FTO: variants seen among roughly 807,000 people sequenced by gnomAD.
FTO encodes the protein FTO alpha-ketoglutarate dependent dioxygenase.
A neutral mutation model predicts 63.9 loss-of-function variants in FTO; 47 were observed. That is an observed-to-expected ratio of 0.74 (90% CI 0.58 to 0.94). The LOEUF (loss-of-function observed/expected upper bound fraction) is 0.94, where lower values mean the gene tolerates loss of function less well. Among genes scored for constraint, FTO ranks in the 40% least tolerant of loss-of-function variants. The pLI is 0.00. For missense variants in FTO, 562 were observed against 618.1 expected, an observed-to-expected ratio of 0.91 and a Z score of 0.96; for synonymous variants, 207 against 224.4, an observed-to-expected ratio of 0.92 and a Z score of 0.69.
intron 8 of FTO, among the ~76,000 whole-genome samples, chr16:53,947,472 G>A (rs551864235): frequency 5.3e-5 from 8 of 152,276 alleles, no homozygotes; most frequent in South Asian, 2.1e-4. Context: ...ATAAGGGGGC[G>A]GAAGCTATTA....
chr16:53,804,206 A>G (rs561210653), intron 1 of FTO, among the ~76,000 whole-genome samples: 9 of 152,322 alleles, frequency 5.9e-5, no homozygotes, highest in Non-Finnish European at 1.0e-4. Flanking sequence ...CTTAGGCTAT[A>G]CACACATAAC....
At chr16:54,035,809 C>G (rs2084930579) in intron 8 of FTO, among the ~76,000 whole-genome samples, 1 of 152,156 alleles carries the variant, frequency 6.6e-6, no homozygotes, top group Non-Finnish European at 1.5e-5. Context: ...TTTCTGTCTT[C>G]CTTTCACCCG....
chr16:53,815,680 G>A (rs1269506313), intron 2 of FTO, among the ~76,000 whole-genome samples: 1 of 115,542 alleles, frequency 8.7e-6, no homozygotes, highest in Non-Finnish European at 1.6e-5. Context: ...ACAGAGTCCC[G>A]CTCTGTCACC....
chr16:53,705,562 G>C (rs1033242108), intron 1 of FTO, among the ~76,000 whole-genome samples: 3 of 152,210 alleles, frequency 2.0e-5, no homozygotes, highest in African/African-American at 7.2e-5. Context: ...TTACACGTGA[G>C]TCTGTTTAGG....
Position 53,883,622 on chromosome 16 carries a change from C to CAAAAAAAA in FTO, c.1119+3641_1119+3648dup, listed in dbSNP as rs36010057. ...GGGCAACAAGGGCGAAACTCTATCT[C>CAAAAAAAA]AAAAAAAAAAAAACAAAAAAAAAAA... On this transcript the variant is annotated intron_variant, in intron 6 of 8. Coordinates refer to ENST00000471389, the MANE Select transcript of FTO (RefSeq NM_001080432.3). Among the ~76,000 whole-genome samples, 132 of 59,316 alleles carry CAAAAAAAA rather than the reference C, an allele frequency of 2.2e-3. 9 individuals carry two copies. Among genetic ancestry groups the CAAAAAAAA allele is most frequent in the African/African-American group, 0.01 (121 of 11,934 alleles). 38.9% of individuals were successfully genotyped at this position (59,316 alleles called of 152,430 possible).
intron 4 of FTO, among the ~76,000 whole-genome samples, chr16:53,851,503 A>G (rs1195739591): frequency 6.6e-6 from 1 of 151,920 alleles, no homozygotes; most frequent in Non-Finnish European, 1.5e-5. Context: ...ATAATACATG[A>G]ACACACATGT....
Position 53,782,133 on chromosome 16 carries a change from T to G in FTO, c.46-28007T>G, listed in dbSNP as rs559199578. ...ATGGGGTTCATGAAGCCTCTGAAAC[T>G]CAGCTTAAGAGTCCATACCAACCAA... On this transcript the variant is annotated intron_variant, in intron 1 of 8. Coordinates refer to ENST00000471389, the MANE Select transcript of FTO (RefSeq NM_001080432.3). 2.6e-5 allele frequency among the ~76,000 whole-genome samples: 4 copies of G among 152,342 alleles called. No individual in the cohort carries two copies. The South Asian group carries it at 6.2e-4, about 24-fold the overall frequency.
intron 4 of FTO, among the ~76,000 whole-genome samples, chr16:53,857,506 C>T (rs879778900): frequency 2.6e-5 from 4 of 151,532 alleles, no homozygotes; most frequent in African/African-American, 7.3e-5. Context: ...TCTGGGGCTT[C>T]GAGGGCTGAC....
At chr16:54,038,276 C>T (rs2144258796) in intron 8 of FTO, among the ~76,000 whole-genome samples, 1 of 152,272 alleles carries the variant, frequency 6.6e-6, no homozygotes, top group African/African-American at 2.4e-5. Flanking sequence ...GTAACCTGAC[C>T]CTTGTGGGCT....
chr16:53,711,898 T>C (rs2075784592), intron 1 of FTO, among the ~76,000 whole-genome samples: 1 of 152,218 alleles, frequency 6.6e-6, no homozygotes, highest in Non-Finnish European at 1.5e-5. Context: ...AGTTGTCTTA[T>C]CAACTTTAAA....
At chr16:53,740,123 T>TA (rs2076496130) in intron 1 of FTO, among the ~76,000 whole-genome samples, 1 of 152,236 alleles carries the variant, frequency 6.6e-6, no homozygotes, top group African/African-American at 2.4e-5. Flanking sequence ...TCTGTAACCC[T>TA]AGGATCATAT....
intron 1 of FTO, among the ~76,000 whole-genome samples, chr16:53,806,359 T>C (rs890241667): frequency 6.6e-6 from 1 of 152,174 alleles, no homozygotes; most frequent in African/African-American, 2.4e-5. Context: ...AAATGGAATA[T>C]TTTGAGTAGT....
intron 8 of FTO, among the ~76,000 whole-genome samples, chr16:54,103,433 A>T (rs1446488794): frequency 3.3e-5 from 5 of 152,186 alleles, no homozygotes; most frequent in African/African-American, 1.2e-4. Context: ...GGGGAAAAAA[A>T]GCTGACCCCT....
chr16:53,937,451 C>T, intron 8 of FTO: 1 of 392,212 alleles, frequency 2.5e-6, no homozygotes, highest in East Asian at 3.6e-5. Context: ...GGTCAGTCTG[C>T]AGCTAATAAA....
intron 5 of FTO, among the ~76,000 whole-genome samples, chr16:53,877,826 C>T (rs140401063): frequency 6.6e-6 from 1 of 152,108 alleles, no homozygotes; most frequent in East Asian, 1.9e-4. Flanking sequence ...CCACATCCCA[C>T]CCCTCTCTCT....
intron 7 of FTO, among the ~76,000 whole-genome samples, chr16:53,913,301 A>G (rs1011829525): frequency 6.6e-6 from 1 of 152,222 alleles, no homozygotes; most frequent in African/African-American, 2.4e-5. Flanking sequence ...GATTTGATGA[A>G]TAAAAGTTTG....
At chr16:53,951,162 C>T (rs80242121) in intron 8 of FTO, among the ~76,000 whole-genome samples, 3,384 of 152,264 alleles carry the variant, frequency 0.022, 49 homozygotes, top group Non-Finnish European at 0.031. Context: ...AACCAGTCTG[C>T]AGAGATTGGA....
At chr16:53,948,484 T>C (rs918559651) in intron 8 of FTO, among the ~76,000 whole-genome samples, 5 of 152,168 alleles carry the variant, frequency 3.3e-5, no homozygotes, top group Non-Finnish European at 7.4e-5. Flanking sequence ...CTGCATAGAG[T>C]AGAACAATGT....
chr16:53,882,989 T>C (rs1241970731), intron 6 of FTO, among the ~76,000 whole-genome samples: 3 of 152,110 alleles, frequency 2.0e-5, no homozygotes, highest in Non-Finnish European at 4.4e-5. Context: ...TTCTCTCTTA[T>C]TAGTCCCTGC....
Sources: allele counts gnomAD v4.1 joint callset (sites outside exome capture counted in the v4.1 genomes callset), GRCh38; gene constraint gnomAD v4.1.1; transcripts MANE v1.5; gene names NCBI Gene and HGNC (gene_info 2026-07-23, HGNC 2026-07-21).